Variants in NEGR1 observed in about 807,000 individuals in gnomAD.
NEGR1 encodes neuronal growth regulator 1.
In NEGR1, 10 loss-of-function variants were observed where a neutral mutation model predicts 40.9. The observed-to-expected ratio is 0.24, with a 90% CI of 0.15 to 0.42. The LOEUF (loss-of-function observed/expected upper bound fraction) is 0.42. Among genes scored for constraint, NEGR1 ranks in the 10% least tolerant of loss-of-function variants. NEGR1 has a pLI of 1.00. For missense variants in NEGR1, 352 were observed against 438.9 expected (o/e 0.80, Z 1.77); for synonymous variants, 185 against 166.8 (o/e 1.11, Z -0.84).
intron 1 of NEGR1, among the ~76,000 whole-genome samples, chr1:71,988,065 C>T (rs1646414688): frequency 6.6e-6 from 1 of 152,212 alleles, no homozygotes; most frequent in African/African-American, 2.4e-5. Context: ...ACAGACAGGT[C>T]CCCTGGCTCT....
In NEGR1 at chr1:71,887,992, GACACACACACACAC is replaced by G. The variant is rs57794150; in HGVS notation, c.409+47073_409+47086del. ...CCAGTGGAGCTCAAACTTTTGAAAG[GACACACACACACAC>G]ACACACACACACACACACACACACA... On this transcript the variant is annotated intron_variant, in intron 2 of 6. Transcript: ENST00000357731. Among the ~76,000 whole-genome samples, 391 of 138,274 alleles carry G rather than the reference GACACACACACACAC, an allele frequency of 2.8e-3. 2 individuals are homozygous for G. The highest frequency in any genetic ancestry group is 9.1e-3 in the African/African-American group (339 of 37,344). 90.7% of individuals were successfully genotyped at this position (138,274 alleles called of 152,430 possible).
At chr1:71,765,728 A>C (rs1656098347) in intron 3 of NEGR1, among the ~76,000 whole-genome samples, 1 of 152,148 alleles carries the variant, frequency 6.6e-6, no homozygotes, top group Admixed American at 6.5e-5. Flanking sequence ...ATTATTCACT[A>C]TTCCTAAAAA....
At chr1:72,155,182 A>G (rs190313404) in intron 1 of NEGR1, among the ~76,000 whole-genome samples, 1 of 152,128 alleles carries the variant, frequency 6.6e-6, no homozygotes, top group Admixed American at 6.6e-5. Flanking sequence ...TTCATCATTG[A>G]TAAAACCACT....
At chr1:71,659,765 G>A (rs12563509) in intron 4 of NEGR1, among the ~76,000 whole-genome samples, 71,859 of 151,912 alleles carry the variant, frequency 0.47, 17,049 homozygotes, top group Middle Eastern at 0.53. Context: ...GCAAATCAAA[G>A]CCACAATGAG....
chr1:71,741,335 G>C (rs1363206642), intron 3 of NEGR1, among the ~76,000 whole-genome samples: 1 of 152,130 alleles, frequency 6.6e-6, no homozygotes. Flanking sequence ...CAATGACAAT[G>C]AATATCACAA....
In NEGR1 at chr1:71,579,356, A is replaced by G. The variant is rs114278471; in HGVS notation, c.940+13461T>C. On this transcript the variant is annotated intron_variant, in intron 6 of 6. Coordinates refer to ENST00000357731, the MANE Select transcript of NEGR1 (RefSeq NM_173808.3). ...ATTGACAATCTCCAAAATGTTGTGA[A>G]TCAAGTTATTTTAGCTCAACTTTGT... Among the ~76,000 whole-genome samples, 798 of 152,294 alleles carry G rather than the reference A, an allele frequency of 5.2e-3. 3 individuals carry two copies. The highest frequency in any genetic ancestry group is 0.014 in the Middle Eastern group (4 of 294).
chr1:71,887,832 T>C (rs775820169), intron 2 of NEGR1, among the ~76,000 whole-genome samples: 23 of 152,274 alleles, frequency 1.5e-4, no homozygotes, highest in Non-Finnish European at 2.4e-4. Context: ...ATATATATTC[T>C]CCTGAAAGAT....
intron 2 of NEGR1, among the ~76,000 whole-genome samples, chr1:71,876,300 C>T (rs549222332): frequency 1.1e-4 from 17 of 152,042 alleles, no homozygotes; most frequent in Non-Finnish European, 2.2e-4. Flanking sequence ...CACTTGTGCT[C>T]AGGAGTTCAA....
At chr1:71,879,191 C>CA (rs944451671) in intron 2 of NEGR1, among the ~76,000 whole-genome samples, 32 of 149,636 alleles carry the variant, frequency 2.1e-4, no homozygotes, top group Admixed American at 6.7e-4. Context: ...TATTTGCCAT[C>CA]AAAAAAAATT....
chr1:71,607,494 C>G (rs535588926), intron 5 of NEGR1, among the ~76,000 whole-genome samples: 1 of 152,252 alleles, frequency 6.6e-6, no homozygotes, highest in Non-Finnish European at 1.5e-5. Context: ...AATCCCAGCT[C>G]TGCCACTAAC....
At chr1:72,149,004 C>A (rs1003744039) in intron 1 of NEGR1, among the ~76,000 whole-genome samples, 24 of 152,154 alleles carry the variant, frequency 1.6e-4, no homozygotes, top group African/African-American at 5.6e-4. Flanking sequence ...AGCAACCCCC[C>A]TGCAACTTTA....
intron 6 of NEGR1, among the ~76,000 whole-genome samples, chr1:71,456,660 C>T (rs573543935): frequency 9.9e-4 from 151 of 152,296 alleles, no homozygotes; most frequent in Non-Finnish European, 1.8e-3. Context: ...ATTACACCAA[C>T]TTCTATGGAA....
intron 2 of NEGR1, among the ~76,000 whole-genome samples, chr1:71,888,623 G>T (rs1395398814): frequency 1.5e-5 from 2 of 137,844 alleles, no homozygotes; most frequent in Non-Finnish European, 3.1e-5. Context: ...ACTGCAAGGC[G>T]GCAACGAGGC....
chr1:71,594,733 G>A (rs1649632470), intron 5 of NEGR1, among the ~76,000 whole-genome samples: 2 of 152,116 alleles, frequency 1.3e-5, no homozygotes, highest in African/African-American at 4.8e-5. Flanking sequence ...TATATTTTCT[G>A]CATCACATTA....
In NEGR1 at chr1:71,421,074, T is replaced by C. The variant is rs373966627; in HGVS notation, c.941-13504A>G. ...TCACATCTTTCATAATGTGTTCAAT[T>C]TGAACTTTTTTAGTACCTCAAGCAT... On this transcript the variant is annotated intron_variant, in intron 6 of 6. Coordinates refer to ENST00000357731, the MANE Select transcript of NEGR1 (RefSeq NM_173808.3). 3.9e-5 allele frequency among the ~76,000 whole-genome samples: 6 copies of C among 152,154 alleles called. No individual in the cohort carries two copies. The East Asian group carries it at 1.2e-3, about 29-fold the overall frequency.
chr1:71,423,580 G>T (rs1646410783), intron 6 of NEGR1, among the ~76,000 whole-genome samples: 1 of 152,068 alleles, frequency 6.6e-6, no homozygotes, highest in Admixed American at 6.6e-5. Context: ...AGAGATTAGA[G>T]GTCCTTTTCC....
intron 1 of NEGR1, among the ~76,000 whole-genome samples, chr1:72,072,346 A>G (rs1336417772): frequency 6.6e-6 from 1 of 152,176 alleles, no homozygotes; most frequent in Non-Finnish European, 1.5e-5. Context: ...AATACCTAGT[A>G]TAGTCACAGA....
At chr1:71,767,015 A>G (rs1656156916) in intron 3 of NEGR1, among the ~76,000 whole-genome samples, 1 of 152,204 alleles carries the variant, frequency 6.6e-6, no homozygotes, top group South Asian at 2.1e-4. Context: ...ACAAGGAACC[A>G]ATTAAACTTC....
intron 1 of NEGR1, among the ~76,000 whole-genome samples, chr1:72,145,908 G>A (rs1025519084): frequency 6.6e-6 from 1 of 151,978 alleles, no homozygotes; most frequent in Non-Finnish European, 1.5e-5. Flanking sequence ...TCCATCTGCT[G>A]TGACCTATTG....
Sources: allele counts gnomAD v4.1 joint callset (sites outside exome capture counted in the v4.1 genomes callset), GRCh38; gene constraint gnomAD v4.1.1; transcripts MANE v1.5; gene names NCBI Gene and HGNC (gene_info 2026-07-23, HGNC 2026-07-21).